ITGA1: variants seen among roughly 807,000 people sequenced by gnomAD.
ITGA1 encodes integrin alpha-1.
A neutral mutation model predicts 145.9 loss-of-function variants in ITGA1; 85 were observed. The observed-to-expected ratio is 0.58, with a 90% CI of 0.49 to 0.70. The LOEUF (loss-of-function observed/expected upper bound fraction) is 0.70, where lower values mean the gene tolerates loss of function less well. ITGA1 is among the 30% of genes least tolerant of loss of function. The pLI is 0.00. For synonymous variants in ITGA1, 520 were observed against 495.3 expected (o/e 1.05, Z -0.66); for missense variants, 1,351 against 1,418.7 (o/e 0.95, Z 0.77).
chr5:52,823,585 GA>G (rs1181807720), intron 1 of ITGA1, among the ~76,000 whole-genome samples: 1 of 152,154 alleles, frequency 6.6e-6, no homozygotes, highest in Non-Finnish European at 1.5e-5. Flanking sequence ...CCTGCCTTAG[GA>G]AAATGGAGGT....
intron 8 of ITGA1, among the ~76,000 whole-genome samples, chr5:52,892,085 A>C (rs955711630): frequency 5.3e-5 from 8 of 152,160 alleles, no homozygotes; most frequent in Admixed American, 2.0e-4. Flanking sequence ...TGCAAAACAC[A>C]TAAAGGACTT....
intron 28 of ITGA1, among the ~76,000 whole-genome samples, chr5:52,950,251 A>T (rs180969618): frequency 5.3e-5 from 8 of 152,250 alleles, no homozygotes; most frequent in Non-Finnish European, 1.2e-4. Flanking sequence ...TCCTAACTTG[A>T]TGTCATAATG....
chr5:52,849,535 G>A lies in ITGA1; in HGVS notation c.182+50G>A, dbSNP rs768243715. On this transcript the variant is annotated intron_variant, in intron 2 of 28. Coordinates refer to ENST00000282588, the MANE Select transcript of ITGA1 (RefSeq NM_181501.2). ...TTATTTACTTATTTCACAAGGTAAT[G>A]AGAAATATTATTTGACTACAGTTTC... 1.3e-5 allele frequency: 19 copies of A among 1,431,534 alleles called. No individual in the cohort carries two copies. In the Admixed American group the frequency reaches 1.4e-4, roughly 10 times the overall value. The allele number at this position is 1,431,534 out of a possible 1,614,324, so 88.7% of individuals were successfully genotyped here.
chr5:52,896,538 T>C (rs1468188054), intron 9 of ITGA1, among the ~76,000 whole-genome samples: 3 of 152,174 alleles, frequency 2.0e-5, no homozygotes, highest in Admixed American at 6.5e-5. Flanking sequence ...TGTAAATAAC[T>C]AACAAATAGT....
At chr5:52,843,747 AC>A (rs987352148) in intron 1 of ITGA1, among the ~76,000 whole-genome samples, 1 of 152,098 alleles carries the variant, frequency 6.6e-6, no homozygotes, top group African/African-American at 2.4e-5. Context: ...ACTCAATAGC[AC>A]CCTAGTTACA....
At position 52,881,093 on chromosome 5, in the gene ITGA1, GA is replaced by G. The variant is rs371159720; in HGVS notation, c.625-777del. On this transcript the variant is annotated intron_variant, in intron 6 of 28. Transcript: ENST00000282588. ...GGGAATGAAAGGAGGAAGGCAGTAGGAAAGGAAGACAAAACAAGGAAAGAAG... is the reference window on the plus strand; with the variant it reads ...GGGAATGAAAGGAGGAAGGCAGTAGGAAGGAAGACAAAACAAGGAAAGAAG... 2.7e-3 allele frequency among the ~76,000 whole-genome samples: 414 copies of G among 152,290 alleles called. 1 individual carries two copies. The highest frequency in any genetic ancestry group is 9.2e-3 in the African/African-American group (383 of 41,558).
chr5:52,874,698 A>T (rs966606149), intron 6 of ITGA1, among the ~76,000 whole-genome samples: 1 of 152,154 alleles, frequency 6.6e-6, no homozygotes, highest in African/African-American at 2.4e-5. Flanking sequence ...CTGGACGATC[A>T]AGTATTATGC....
At chr5:52,885,725 A>G (rs1750035751) in intron 7 of ITGA1, among the ~76,000 whole-genome samples, 1 of 152,210 alleles carries the variant, frequency 6.6e-6, no homozygotes, top group African/African-American at 2.4e-5. Flanking sequence ...GCAAAATCAA[A>G]TTAAAGAAAT....
At chr5:52,946,591 A>C (rs1247253373) in intron 27 of ITGA1, among the ~76,000 whole-genome samples, 1 of 152,168 alleles carries the variant, frequency 6.6e-6, no homozygotes, top group Non-Finnish European at 1.5e-5. Flanking sequence ...GGCTTGAACT[A>C]TTACTAGCCA....
chr5:52,952,547 T>C lies in ITGA1; in HGVS notation c.*96T>C. The C allele has an allele frequency of 1.9e-6, 1 of 520,486 alleles. No individual in the cohort carries two copies. The highest frequency in any genetic ancestry group is 3.8e-4 in the Middle Eastern group (1 of 2,652). 32.2% of individuals were successfully genotyped at this position (520,486 alleles called of 1,614,324 possible). A position where few individuals can be genotyped will look rare whatever the true frequency, so the allele number is the denominator to read the frequency against. On this transcript the variant is annotated 3_prime_UTR_variant, in exon 29 of 29. Coordinates refer to ENST00000282588, the MANE Select transcript of ITGA1 (RefSeq NM_181501.2). Reference sequence around the variant, plus strand: ...AAGAAATGTATAATTCATGACATAGTCATGTAACTATGTAATCCATCAGGG... The same window carrying C: ...AAGAAATGTATAATTCATGACATAGCCATGTAACTATGTAATCCATCAGGG...
chr5:52,886,718 C>T (rs907092490), intron 7 of ITGA1, among the ~76,000 whole-genome samples: 1 of 152,122 alleles, frequency 6.6e-6, no homozygotes, highest in African/African-American at 2.4e-5. Context: ...TTTTCCATTT[C>T]CCTGTCTTCT....
chr5:52,924,755 G>A (rs6867514), intron 18 of ITGA1, among the ~76,000 whole-genome samples: 4,661 of 152,176 alleles, frequency 0.031, 272 homozygotes, highest in African/African-American at 0.11. Flanking sequence ...AGAAAGGATT[G>A]GAGAGATATT....
chr5:52,890,955 C>G (rs1276016483), intron 8 of ITGA1, among the ~76,000 whole-genome samples: 1 of 152,152 alleles, frequency 6.6e-6, no homozygotes, highest in Non-Finnish European at 1.5e-5. Context: ...TCAGCTCACA[C>G]ATTTGAGTGA....
chr5:52,941,344 T>G (rs1432622364), intron 26 of ITGA1, among the ~76,000 whole-genome samples: 1 of 152,146 alleles, frequency 6.6e-6, no homozygotes, highest in Non-Finnish European at 1.5e-5. Context: ...GTTTGAGAAA[T>G]CTCCAAACTG....
chr5:52,805,257 G>T (rs1730498300), intron 1 of ITGA1, among the ~76,000 whole-genome samples: 1 of 152,088 alleles, frequency 6.6e-6, no homozygotes, highest in Non-Finnish European at 1.5e-5. Context: ...TGACCATTAG[G>T]AGAAACAATT....
In ITGA1 at chr5:52,955,127, G is replaced by A. The variant is rs1210370791; in HGVS notation, c.*2676G>A. 2 of 150,388 alleles carry A rather than the reference G, an allele frequency of 1.3e-5. No individual in the cohort carries two copies. Among genetic ancestry groups the A allele is most frequent in the Admixed American group, 1.3e-4 (2 of 14,828 alleles). 9.3% of individuals were successfully genotyped at this position (150,388 alleles called of 1,614,324 possible). A position where few individuals can be genotyped will look rare whatever the true frequency, so the allele number is the denominator to read the frequency against. On this transcript the variant is annotated 3_prime_UTR_variant, in exon 29 of 29. Coordinates refer to ENST00000282588, the MANE Select transcript of ITGA1 (RefSeq NM_181501.2). The stretch of plus-strand genomic sequence containing the variant: ...TCTGACCAAACTACAATGGTATATT[G>A]GTAAATTATTTAACAACACACTGTC...
At chr5:52,795,710 TC>T in intron 1 of ITGA1, among the ~76,000 whole-genome samples, 1 of 151,944 alleles carries the variant, frequency 6.6e-6, no homozygotes, top group Non-Finnish European at 1.5e-5. Context: ...TTTTGTCTGA[TC>T]CAGTTTTCTA....
At chr5:52,847,869 T>A (rs925538443) in intron 1 of ITGA1, among the ~76,000 whole-genome samples, 2 of 152,142 alleles carry the variant, frequency 1.3e-5, no homozygotes, top group Non-Finnish European at 2.9e-5. Context: ...CTTAGTTACA[T>A]CTAGGAGAAG....
At chr5:52,911,630 T>G (rs1294430690) in intron 14 of ITGA1, among the ~76,000 whole-genome samples, 3 of 91,398 alleles carry the variant, frequency 3.3e-5, no homozygotes, top group Non-Finnish European at 4.4e-5. Flanking sequence ...CTACTATATA[T>G]ACTATATATA....
Sources: gnomAD v4.1 joint callset for allele counts (sites outside exome capture counted in the v4.1 genomes callset) on GRCh38, gnomAD v4.1.1 for gene constraint, MANE v1.5 for transcripts, NCBI Gene and HGNC (gene_info 2026-07-23, HGNC 2026-07-21) for gene names.